The following KLHL15 variants were observed in gnomAD, a reference collection of about 807,000 sequenced individuals.
KLHL15 encodes kelch like family member 15, also known as kelch-like protein 15.
In KLHL15, 1 loss-of-function variant was observed where a neutral mutation model predicts 29.3. The observed-to-expected ratio is 0.03, with a 90% CI of 0.01 to 0.16. The LOEUF (loss-of-function observed/expected upper bound fraction) is 0.16, where lower values mean the gene tolerates loss of function less well. Among genes scored for constraint, KLHL15 ranks in the 10% least tolerant of loss-of-function variants. The probability of loss-of-function intolerance (pLI) is 1.00; values close to 1 mark genes in which losing one functional copy is unlikely to be tolerated. For missense variants in KLHL15, 215 were observed against 478.5 expected, an observed-to-expected ratio of 0.45 and a Z score of 5.14; for synonymous variants, 212 against 184.5, an observed-to-expected ratio of 1.15 and a Z score of -1.21.
At chrX:24,009,247 A>C (rs189523597) in intron 2 of KLHL15, among the ~76,000 whole-genome samples, 267 of 111,371 alleles carry the variant, frequency 2.4e-3, no homozygotes, top group African/African-American at 8.3e-3. Flanking sequence ...CTGTAATCCC[A>C]ACACTTTGGG....
intron 2 of KLHL15, among the ~76,000 whole-genome samples, chrX:24,015,827 C>A (rs1420877796): frequency 9.0e-6 from 1 of 110,624 alleles, no homozygotes; most frequent in Non-Finnish European, 1.9e-5. Context: ...GGTGGAACCC[C>A]GTCTCTACTA....
chrX:24,026,225 C>A (rs970913860), intron 1 of KLHL15, among the ~76,000 whole-genome samples: 2 of 111,852 alleles, frequency 1.8e-5, no homozygotes, highest in Non-Finnish European at 3.8e-5. Flanking sequence ...TGGGAAAATT[C>A]ATAAAAAATT....
At chrX:24,016,709 C>T (rs1162290374) in intron 2 of KLHL15, among the ~76,000 whole-genome samples, 2 of 111,366 alleles carry the variant, frequency 1.8e-5, no homozygotes, top group Non-Finnish European at 3.8e-5. Flanking sequence ...ACCTACCTTA[C>T]AGGTTGCTGC....
intron 2 of KLHL15, among the ~76,000 whole-genome samples, chrX:24,007,508 A>AAAAAAT (rs1307669839): frequency 2.8e-5 from 1 of 35,938 alleles, no homozygotes; most frequent in African/African-American, 1.5e-4. Context: ...AAAAAAAAAA[A>AAAAAAT]ATATATATAT....
At chrX:24,003,344 G>T (rs1462161037) in intron 3 of KLHL15, among the ~76,000 whole-genome samples, 2 of 107,691 alleles carry the variant, frequency 1.9e-5, no homozygotes, top group Non-Finnish European at 3.8e-5. Context: ...AGGAGATCAA[G>T]ACCATCCTGG....
chrX:24,001,567 G>A (rs924312976), intron 3 of KLHL15, among the ~76,000 whole-genome samples: 3 of 109,958 alleles, frequency 2.7e-5, no homozygotes, highest in Non-Finnish European at 5.7e-5. Flanking sequence ...ACTTTGGGGG[G>A]CCGAGGTGGG....
At chrX:23,990,824 G>C (rs763768469) in intron 3 of KLHL15, among the ~76,000 whole-genome samples, 1 of 108,384 alleles carries the variant, frequency 9.2e-6, no homozygotes, top group Non-Finnish European at 1.9e-5. Flanking sequence ...TCTTTCTTTA[G>C]CCCATTCACT....
At chrX:24,013,891 A>C (rs1037968693) in intron 2 of KLHL15, among the ~76,000 whole-genome samples, 2 of 110,497 alleles carry the variant, frequency 1.8e-5, no homozygotes, top group Non-Finnish European at 3.8e-5. Context: ...TAAAAACAAC[A>C]AATTAAACTG....
chrX:24,025,426 G>T (rs1251964030), intron 1 of KLHL15, among the ~76,000 whole-genome samples: 1 of 105,843 alleles, frequency 9.4e-6, no homozygotes, highest in African/African-American at 3.4e-5. Context: ...CGGGCCGCGG[G>T]AGCCGCCCGG....
chrX:23,987,678 A>G lies in KLHL15; in HGVS notation c.*243T>C. On this transcript the variant is annotated 3_prime_UTR_variant, in exon 4 of 4. Transcript: ENST00000328046. The stretch of plus-strand genomic sequence containing the variant: ...GAAAATCAATATCCCAGATAAGTGG[A>G]GCATTCTATTCAACTGCTTCTGGAA... The G allele has an allele frequency of 3.1e-6, 1 of 319,807 alleles. No homozygotes were observed. The highest frequency in any genetic ancestry group is 5.4e-6 in the Non-Finnish European group (1 of 184,597). 26.4% of individuals were successfully genotyped at this position (319,807 alleles called of 1,213,427 possible). A position where few individuals can be genotyped will look rare whatever the true frequency, so the allele number is the denominator to read the frequency against.
chrX:24,020,958 T>C (rs1335952528), intron 2 of KLHL15, among the ~76,000 whole-genome samples: 1 of 112,107 alleles, frequency 8.9e-6, no homozygotes. Context: ...TCAAAGATCT[T>C]ATCAGAGACA....
chrX:24,021,487 C>CT (rs767376225), intron 2 of KLHL15, among the ~76,000 whole-genome samples: 1 of 112,199 alleles, frequency 8.9e-6, no homozygotes, highest in Non-Finnish European at 1.9e-5. Flanking sequence ...GCAATACAGG[C>CT]TATCCATTTT....
intron 3 of KLHL15, among the ~76,000 whole-genome samples, chrX:24,002,137 G>A (rs1266492501): frequency 2.1e-5 from 2 of 96,707 alleles, no homozygotes; most frequent in Non-Finnish European, 3.9e-5. Context: ...TGTCTCAAAA[G>A]AAAATGAATA....
intron 2 of KLHL15, among the ~76,000 whole-genome samples, chrX:24,015,765 G>C (rs903306263): frequency 8.9e-6 from 1 of 112,108 alleles, no homozygotes; most frequent in Admixed American, 9.5e-5. Flanking sequence ...CTGGGAGGCC[G>C]AGGTGGGCAG....
chrX:23,998,335 C>A (rs1929237565), intron 3 of KLHL15, among the ~76,000 whole-genome samples: 1 of 110,545 alleles, frequency 9.0e-6, no homozygotes. Flanking sequence ...TGGCTCACTG[C>A]ATGCTCCACC....
At chrX:24,005,929 A>C in intron 3 of KLHL15, 60 bp downstream of exon 3, 2 of 869,639 alleles carry the variant, frequency 2.3e-6, no homozygotes, top group Non-Finnish European at 3.2e-6. Context: ...CTTATCTATA[A>C]AGACATACAC....
intron 3 of KLHL15, among the ~76,000 whole-genome samples, chrX:23,994,542 T>C (rs146258133): frequency 0.013 from 1,432 of 112,068 alleles, 21 homozygotes; most frequent in African/African-American, 0.039. Context: ...ATGTGGCTCA[T>C]CTTTTCATAG....
Position 24,007,508 on chromosome X carries a change from A to ATATAT in KLHL15, c.-7-809_-7-808insATATA, listed in dbSNP as rs1555977010. ...CCCATTTCCAAAAAAAAAAAAAAAA[A>ATATAT]ATATATATATATATATATATATATA... On this transcript the variant is annotated intron_variant, in intron 2 of 3. Transcript: ENST00000328046. Among the ~76,000 whole-genome samples the ATATAT allele has an allele frequency of 4.7e-3, 169 of 35,839 alleles. 1 individual carries two copies. The highest frequency in any genetic ancestry group is 0.029 in the Middle Eastern group (1 of 34). 31.1% of individuals were successfully genotyped at this position (35,839 alleles called of 115,157 possible). A position where few individuals can be genotyped will look rare whatever the true frequency, so the allele number is the denominator to read the frequency against.
At chrX:23,995,946 A>C (rs756157406) in intron 3 of KLHL15, among the ~76,000 whole-genome samples, 10 of 110,343 alleles carry the variant, frequency 9.1e-5, no homozygotes, top group Non-Finnish European at 1.5e-4. Flanking sequence ...ATGGGGTTTC[A>C]CCATGTTAGC....
Sources: allele counts gnomAD v4.1 joint callset (sites outside exome capture counted in the v4.1 genomes callset), GRCh38; gene constraint gnomAD v4.1.1; transcripts MANE v1.5; gene names NCBI Gene and HGNC (gene_info 2026-07-23, HGNC 2026-07-21).